CLIC4: variants seen among roughly 807,000 people sequenced by gnomAD.
CLIC4 encodes chloride intracellular channel protein 4.
CLIC4 carries 13 observed loss-of-function variants against 24.6 expected under a neutral mutation model. That is an observed-to-expected ratio of 0.53 (90% confidence interval 0.34 to 0.84). The LOEUF is 0.84. CLIC4 is among the 40% of genes least tolerant of loss of function. The pLI is 0.01. For synonymous variants in CLIC4, 104 were observed against 111.3 expected (o/e 0.93, Z 0.41); for missense variants, 227 against 301.7 (o/e 0.75, Z 1.83).
intron 3 of CLIC4, among the ~76,000 whole-genome samples, chr1:24,821,143 C>G (rs569874737): frequency 6.6e-6 from 1 of 151,932 alleles, no homozygotes; most frequent in Non-Finnish European, 1.5e-5. Flanking sequence ...TGAGATCATG[C>G]CACTGCATTC....
intron 1 of CLIC4, among the ~76,000 whole-genome samples, chr1:24,769,549 TTA>T (rs942470959): frequency 1.1e-4 from 17 of 152,316 alleles, no homozygotes; most frequent in Non-Finnish European, 1.8e-4. Flanking sequence ...ATAACTTTGT[TTA>T]TGTTATTTTT....
At chr1:24,822,341 C>CTTTTTTTTTTTTTTTTTTTT (rs71032865) in intron 3 of CLIC4, among the ~76,000 whole-genome samples, 1 of 75,464 alleles carries the variant, frequency 1.3e-5, no homozygotes, top group East Asian at 3.9e-4. Context: ...TCAGTGAATT[C>CTTTTTTTTTTTTTTTTTTTT]TTTTTTTTTT....
chr1:24,783,636 G>A (rs914680918), intron 1 of CLIC4, among the ~76,000 whole-genome samples: 2 of 152,180 alleles, frequency 1.3e-5, no homozygotes, highest in Non-Finnish European at 2.9e-5. Context: ...CCAGTGGGTG[G>A]AGGTTGCAGT....
chr1:24,767,965 C>T (rs553976194), intron 1 of CLIC4, among the ~76,000 whole-genome samples: 87 of 151,920 alleles, frequency 5.7e-4, no homozygotes, highest in South Asian at 1.0e-3. Context: ...CTCAGCCTCC[C>T]GGGTAGCTGG....
At chr1:24,768,704 C>A (rs1639035648) in intron 1 of CLIC4, among the ~76,000 whole-genome samples, 1 of 151,998 alleles carries the variant, frequency 6.6e-6, no homozygotes. Context: ...GAGTTCGAGA[C>A]CAGCCTGGCC....
chr1:24,778,054 T>C (rs1023450833), intron 1 of CLIC4: 3 of 152,234 alleles, frequency 2.0e-5, no homozygotes, highest in Admixed American at 6.5e-5. Flanking sequence ...TGGTCGTAGC[T>C]CTGGCAATTT....
intron 4 of CLIC4, 74 bp from the exon 5 acceptor site, chr1:24,839,786 G>A (rs1639922932): frequency 7.7e-7 from 1 of 1,292,480 alleles, no homozygotes; most frequent in Admixed American, 2.2e-5. Context: ...TTGACTCAAA[G>A]AGTCTGCTTC....
At chr1:24,752,356 G>A (rs775624088) in intron 1 of CLIC4, among the ~76,000 whole-genome samples, 1 of 152,152 alleles carries the variant, frequency 6.6e-6, no homozygotes, top group South Asian at 2.1e-4. Context: ...CAGTCCAGGA[G>A]AATGTCTTAG....
chr1:24,808,745 C>T (rs1431770088), intron 2 of CLIC4, among the ~76,000 whole-genome samples: 1 of 149,728 alleles, frequency 6.7e-6, no homozygotes, highest in African/African-American at 2.5e-5. Flanking sequence ...GGCGCGATCT[C>T]GGCTCACTGC....
At chr1:24,818,085 C>T (rs1007290008) in intron 3 of CLIC4, among the ~76,000 whole-genome samples, 2 of 152,040 alleles carry the variant, frequency 1.3e-5, no homozygotes, top group East Asian at 3.9e-4. Context: ...TGAAATATTG[C>T]GAAAAATACC....
chr1:24,811,514 C>T (rs965669955), intron 2 of CLIC4, among the ~76,000 whole-genome samples: 1 of 151,622 alleles, frequency 6.6e-6, no homozygotes, highest in African/African-American at 2.4e-5. Context: ...ACTCTGTTGC[C>T]CAGGCTGAAG....
At chr1:24,810,747 T>G (rs915235833) in intron 2 of CLIC4, among the ~76,000 whole-genome samples, 3 of 151,580 alleles carry the variant, frequency 2.0e-5, no homozygotes, top group Non-Finnish European at 4.4e-5. Context: ...CACTCCTGCT[T>G]TGGTGACTGG....
At chr1:24,766,897 G>A (rs547518585) in intron 1 of CLIC4, among the ~76,000 whole-genome samples, 2 of 151,656 alleles carry the variant, frequency 1.3e-5, no homozygotes, top group South Asian at 4.2e-4. Context: ...CATCATAATG[G>A]AAGACTGGAT....
chr1:24,756,366 T>C (rs1227194836), intron 1 of CLIC4, among the ~76,000 whole-genome samples: 1 of 152,228 alleles, frequency 6.6e-6, no homozygotes, highest in Non-Finnish European at 1.5e-5. Flanking sequence ...TCAACATGCA[T>C]ATATTTTGTA....
chr1:24,814,779 A>C (rs1029242883), intron 3 of CLIC4, among the ~76,000 whole-genome samples: 1 of 152,234 alleles, frequency 6.6e-6, no homozygotes, highest in Admixed American at 6.5e-5. Flanking sequence ...TAAATTGCAG[A>C]TATGCAGCTT....
At chr1:24,783,704 A>G (rs955539240) in intron 1 of CLIC4, among the ~76,000 whole-genome samples, 1 of 152,176 alleles carries the variant, frequency 6.6e-6, no homozygotes, top group Non-Finnish European at 1.5e-5. Context: ...GTCTGTCTCA[A>G]AAAAATAAAA....
chr1:24,827,172 G>C, intron 4 of CLIC4, 56 bp downstream of exon 4: 1 of 1,053,782 alleles, frequency 9.5e-7, no homozygotes, highest in Non-Finnish European at 1.4e-6. Flanking sequence ...ACAACAACAG[G>C]CTGTTATTAT....
intron 3 of CLIC4, among the ~76,000 whole-genome samples, chr1:24,823,532 T>C (rs1241877667): frequency 6.6e-6 from 1 of 152,130 alleles, no homozygotes; most frequent in Non-Finnish European, 1.5e-5. Flanking sequence ...CCCAGCACTT[T>C]GGGAGGCCAA....
chr1:24,840,780 C>T lies in CLIC4; in HGVS notation c.605C>T (p.Ala202Val). The T allele has an allele frequency of 6.2e-7, 1 of 1,600,964 alleles. No homozygotes were observed. Residue 202 changes from alanine (A) to valine (V), a missense_variant, in exon 6 of 6, where the codon GCC becomes GTC. By Grantham distance (64) the Ala-to-Val change is moderately conservative. Transcript: ENST00000374379. ...GATCTCTTTGTATTTCAGGTGGTGG[C>T]CAAAAAATATCGCAACTTTGATATT... is the stretch of plus-strand genomic sequence containing the variant. ...LPKLHIVKVV[A>V]KKYRNFDIPK...
Sources: allele counts gnomAD v4.1 joint callset (sites outside exome capture counted in the v4.1 genomes callset), GRCh38; gene constraint gnomAD v4.1.1; transcripts MANE v1.5; gene names NCBI Gene and HGNC (gene_info 2026-07-23, HGNC 2026-07-21).